Variants in ABCA13 observed in about 807,000 individuals in gnomAD.
The protein encoded by ABCA13 is ATP-binding cassette sub-family A member 13.
Under a neutral mutation model 478.7 loss-of-function variants are expected in ABCA13, and 476 were observed. That is an observed-to-expected ratio of 0.99 (90% CI 0.92 to 1.07). The LOEUF is 1.07. Among genes scored for constraint, ABCA13 ranks in the 50% least tolerant of loss-of-function variants. The pLI, the probability that ABCA13 is intolerant of heterozygous loss-of-function variation, is 0.00. For synonymous variants in ABCA13, 2,252 were observed against 2,158.9 expected (o/e 1.04, Z -1.20); for missense variants, 6,060 against 5,910.6 (o/e 1.03, Z -0.83).
chr7:48,307,749 C>A (rs886513135), intron 23 of ABCA13, among the ~76,000 whole-genome samples: 1 of 152,100 alleles, frequency 6.6e-6, no homozygotes, highest in African/African-American at 2.4e-5. Flanking sequence ...GGCACAATCT[C>A]GGCTCACTGT....
chr7:48,635,249 A>G (rs993897089), intron 59 of ABCA13, among the ~76,000 whole-genome samples: 3 of 152,036 alleles, frequency 2.0e-5, no homozygotes, highest in African/African-American at 7.2e-5. Flanking sequence ...CCTAAAAACT[A>G]AAACAACAAA....
chr7:48,284,166 A>T (rs1355797927), intron 19 of ABCA13, among the ~76,000 whole-genome samples: 4 of 152,298 alleles, frequency 2.6e-5, no homozygotes, highest in Admixed American at 2.6e-4. Flanking sequence ...TAATCTGCTC[A>T]CTCATCCCTT....
intron 24 of ABCA13, among the ~76,000 whole-genome samples, chr7:48,312,212 G>C (rs1479706454): frequency 2.6e-5 from 4 of 152,208 alleles, no homozygotes; most frequent in Non-Finnish European, 4.4e-5. Flanking sequence ...TGACAACTGG[G>C]TTCCTCTGCC....
At chr7:48,390,156 T>C (rs1446095901) in intron 37 of ABCA13, among the ~76,000 whole-genome samples, 3 of 152,234 alleles carry the variant, frequency 2.0e-5, no homozygotes. Flanking sequence ...CTGCTTTTAC[T>C]AAGACACATT....
At position 48,507,985 on chromosome 7, in the gene ABCA13, G is replaced by C; in HGVS notation, c.13460G>C (p.Arg4487Thr). 6.2e-7 allele frequency: 1 copy of C among 1,613,860 alleles called. No individual in the cohort carries two copies. The highest frequency in any genetic ancestry group is 8.5e-7 in the Non-Finnish European group (1 of 1,179,842). Residue 4487 changes from arginine to threonine, a missense_variant, in exon 50 of 62, where the codon AGG becomes ACG. Physicochemically the swap from Arg to Thr is moderately conservative, Grantham distance 71 (BLOSUM62 -1). Transcript: ENST00000435803. Reference sequence around the variant, plus strand: ...AGGGACAGGGTGATTGGAGCCAAAAGGTTGCAGCACATAAGTGGCCTTGGC... The same window carrying C: ...AGGGACAGGGTGATTGGAGCCAAAACGTTGCAGCACATAAGTGGCCTTGGC... ...VVRDRVIGAK[R>T]LQHISGLGYR...
intron 35 of ABCA13, among the ~76,000 whole-genome samples, chr7:48,378,784 G>A (rs6961814): frequency 0.016 from 2,438 of 152,280 alleles, 70 homozygotes; most frequent in African/African-American, 0.056. Flanking sequence ...AAGTTCACAC[G>A]GATGTACCTT....
At chr7:48,184,252 T>C (rs1199752944) in intron 1 of ABCA13, among the ~76,000 whole-genome samples, 4 of 152,198 alleles carry the variant, frequency 2.6e-5, no homozygotes, top group Non-Finnish European at 5.9e-5. Flanking sequence ...GCTCATTTCT[T>C]TTGACTGTGT....
intron 1 of ABCA13, among the ~76,000 whole-genome samples, chr7:48,173,784 G>C (rs1794474155): frequency 6.6e-6 from 1 of 152,220 alleles, no homozygotes; most frequent in Non-Finnish European, 1.5e-5. Flanking sequence ...TTTCTTCTCT[G>C]TAAAATGAAA....
At chr7:48,309,880 G>A (rs1437553188) in intron 23 of ABCA13, 67 bp from the exon 24 acceptor site, 30 of 1,571,066 alleles carry the variant, frequency 1.9e-5, no homozygotes, top group Middle Eastern at 3.4e-4. Context: ...ATGAAGCTCC[G>A]GTCTGAGGTG....
At chr7:48,599,371 G>GT (rs369712255) in intron 58 of ABCA13, among the ~76,000 whole-genome samples, 7,850 of 146,620 alleles carry the variant, frequency 0.054, 417 homozygotes, top group African/African-American at 0.14. Context: ...AGGGGTTACA[G>GT]TTTTTTTTTT....
chr7:48,255,616 A>T (rs1793261952), intron 15 of ABCA13, among the ~76,000 whole-genome samples: 1 of 152,158 alleles, frequency 6.6e-6, no homozygotes, highest in Admixed American at 6.6e-5. Context: ...AGCTACATCC[A>T]TGTTACTGCA....
intron 6 of ABCA13, among the ~76,000 whole-genome samples, chr7:48,227,687 T>A (rs1474166904): frequency 1.3e-5 from 2 of 152,224 alleles, no homozygotes; most frequent in Non-Finnish European, 2.9e-5. Context: ...TTTTGTATGT[T>A]GTTATAGTTT....
chr7:48,508,141 G>A (rs2130877837), intron 50 of ABCA13, 92 bp downstream of exon 50: 4 of 1,541,534 alleles, frequency 2.6e-6, no homozygotes, highest in South Asian at 1.2e-5. Context: ...TGGGGCCCTG[G>A]CTGCCTTGGA....
At chr7:48,628,810 A>G (rs1793898824) in intron 59 of ABCA13, among the ~76,000 whole-genome samples, 1 of 152,180 alleles carries the variant, frequency 6.6e-6, no homozygotes, top group Non-Finnish European at 1.5e-5. Flanking sequence ...TTAATAATGA[A>G]TGTAAAATTC....
At chr7:48,204,618 G>T (rs1007846543) in intron 3 of ABCA13, among the ~76,000 whole-genome samples, 1 of 152,122 alleles carries the variant, frequency 6.6e-6, no homozygotes, top group Non-Finnish European at 1.5e-5. Flanking sequence ...ATGCTTTGGG[G>T]CCCTCCACAA....
chr7:48,221,600 G>T (rs955687001), intron 5 of ABCA13, among the ~76,000 whole-genome samples: 12 of 152,358 alleles, frequency 7.9e-5, no homozygotes, highest in Non-Finnish European at 1.6e-4. Flanking sequence ...GAGTTTATCT[G>T]ATCCCAGGGA....
At position 48,275,815 on chromosome 7, in the gene ABCA13, A is replaced by C; in HGVS notation, c.6149A>C (p.Glu2050Ala). The change falls in exon 17 of 62, where the codon GAA becomes GCA. Residue 2050 changes from glutamate to alanine, a missense_variant. By Grantham distance (107) the Glu-to-Ala change is moderately radical (BLOSUM62 -1). Coordinates refer to ENST00000435803, the MANE Select transcript of ABCA13 (RefSeq NM_152701.5). Reference sequence around the variant, plus strand: ...TTATCAAGTTTTATTGAAAAAAGTGAAACACCTTACAACTTTGAAGAACTA... The same window carrying C: ...TTATCAAGTTTTATTGAAAAAAGTGCAACACCTTACAACTTTGAAGAACTA... The part of the protein sequence containing the change: ...EALSSFIEKS[E>A]TPYNFEELWP... 6.2e-7 allele frequency: 1 copy of C among 1,612,836 alleles called. No homozygotes were observed. Among genetic ancestry groups the C allele is most frequent in the African/African-American group, 1.3e-5 (1 of 75,052 alleles).
At chr7:48,508,401 G>A (rs891209377) in intron 50 of ABCA13, among the ~76,000 whole-genome samples, 1 of 152,096 alleles carries the variant, frequency 6.6e-6, no homozygotes, top group Non-Finnish European at 1.5e-5. Flanking sequence ...TCTTTCATCT[G>A]CATGCTTAAC....
chr7:48,421,454 A>G (rs1016418143), intron 41 of ABCA13, among the ~76,000 whole-genome samples: 3 of 152,296 alleles, frequency 2.0e-5, no homozygotes, highest in Middle Eastern at 3.4e-3. Context: ...CTACTCAATG[A>G]GTTACAATTC....
Sources: allele counts gnomAD v4.1 joint callset (sites outside exome capture counted in the v4.1 genomes callset), GRCh38; gene constraint gnomAD v4.1.1; transcripts MANE v1.5; gene names NCBI Gene and HGNC (gene_info 2026-07-23, HGNC 2026-07-21).